Variants in FBXO9 observed in about 807,000 individuals in gnomAD.
The protein encoded by FBXO9 is F-box protein 9.
Under a neutral mutation model 63.7 loss-of-function variants are expected in FBXO9, and 43 were observed. The observed-to-expected ratio is 0.67, with a 90% confidence interval of 0.53 to 0.87. The LOEUF is 0.87. Ranked by LOEUF, FBXO9 falls within the 40% of genes least tolerant of loss-of-function variation. FBXO9 has a pLI of 0.00. For synonymous variants in FBXO9, 156 were observed against 171.7 expected (o/e 0.91, Z 0.72); for missense variants, 442 against 533.2 (o/e 0.83, Z 1.68).
chr6:53,095,560 A>G lies in FBXO9; in HGVS notation c.1101A>G (p.Gln367=), dbSNP rs781746650. The change falls in exon 12 of 13, where the codon CAA becomes CAG. Residue 367 remains glutamine (Q), a synonymous_variant. Coordinates refer to ENST00000323557, the MANE Select transcript of FBXO9 (RefSeq NM_033480.3). ...KYRYFRRVPV[Q]EADQSFHVGL... ...GATATTTTCGTCGTGTCCCTGTACA[A>G]GAAGCAGATCAGAGTTTTCATGTGG... 1 of 1,613,510 alleles carries G rather than the reference A, an allele frequency of 6.2e-7. No individual in the cohort carries two copies. Among genetic ancestry groups the G allele is most frequent in the Non-Finnish European group, 8.5e-7 (1 of 1,179,752 alleles).
chr6:53,093,434 T>G, intron 9 of FBXO9, 32 bp from the exon 10 acceptor site: 1 of 1,420,976 alleles, frequency 7.0e-7, no homozygotes, highest in Non-Finnish European at 9.9e-7. Flanking sequence ...GTGTGGGGGG[T>G]GTGTTTTGGT....
rs1480274100 is a variant in FBXO9 at position 53,084,744 on chromosome 6, G to A, written c.653+2126G>A. Among the ~76,000 whole-genome samples the A allele has an allele frequency of 4.6e-5, 7 of 152,062 alleles. 1 individual carries two copies. Among genetic ancestry groups the A allele is most frequent in the South Asian group, 4.1e-4 (2 of 4,832 alleles). On this transcript the variant is annotated intron_variant, in intron 7 of 12. Transcript: ENST00000323557. ...ACTAGGAGAATTCATCAAACAGTCC[G>A]GTGTACGTGTGGATAACAACAGGTG... is the stretch of plus-strand genomic sequence containing the variant.
chr6:53,073,256 T>C (rs1042932418), intron 2 of FBXO9, among the ~76,000 whole-genome samples: 1 of 152,238 alleles, frequency 6.6e-6, no homozygotes, highest in Non-Finnish European at 1.5e-5. Flanking sequence ...TTTGGTGTAC[T>C]GACATGTATT....
rs1307904573 is a variant in FBXO9, at chr6:53,100,527, A to T, written c.*2697A>T. On this transcript the variant is annotated 3_prime_UTR_variant, in exon 13 of 13. Transcript: ENST00000323557. ...CCTTCCTACCCCTTAGCAGAGGGCC[A>T]GGTGAGGGTGCTTGGGGCCCATGGG... 6.6e-6 allele frequency: 1 copy of T among 151,976 alleles called. No individual in the cohort carries two copies. Among genetic ancestry groups the T allele is most frequent in the East Asian group, 1.9e-4 (1 of 5,154 alleles). 9.4% of individuals were successfully genotyped at this position (151,976 alleles called of 1,614,324 possible).
In FBXO9 at chr6:53,082,345, T is replaced by G. The variant is rs376937739; in HGVS notation, c.539-159T>G. ...ATTTATGTCTTGATGTTAAGAACCA[T>G]TATTATTATTGAGTAGCTAAATACA... On this transcript the variant is annotated intron_variant, in intron 6 of 12. Coordinates refer to ENST00000323557, the MANE Select transcript of FBXO9 (RefSeq NM_033480.3). Among the ~76,000 whole-genome samples, 29 of 152,284 alleles carry G rather than the reference T, an allele frequency of 1.9e-4. 3 individuals carry two copies. Among genetic ancestry groups the G allele is most frequent in the East Asian group, 1.5e-3 (8 of 5,190 alleles).
intron 1 of FBXO9, among the ~76,000 whole-genome samples, chr6:53,066,557 GATTTA>G (rs1768706671): frequency 6.6e-6 from 1 of 152,212 alleles, no homozygotes; most frequent in Non-Finnish European, 1.5e-5. Flanking sequence ...AATTCCAAAC[GATTTA>G]ATTTATAGTG....
Position 53,084,907 on chromosome 6 carries a change from C to T in FBXO9, c.653+2289C>T, listed in dbSNP as rs1054987831. 3.3e-5 allele frequency among the ~76,000 whole-genome samples: 5 copies of T among 152,088 alleles called. No individual in the cohort carries two copies. In the East Asian group the frequency reaches 9.7e-4, roughly 29 times the overall value. On this transcript the variant is annotated intron_variant, in intron 7 of 12. Transcript: ENST00000323557. The stretch of plus-strand genomic sequence containing the variant: ...CACTTAGGGTCTTAAGGTTCTTGGG[C>T]CTGCTAGGAAGTGACAGGTTTTACT...
intron 5 of FBXO9, among the ~76,000 whole-genome samples, chr6:53,079,801 C>T (rs1769245632): frequency 6.6e-6 from 1 of 152,118 alleles, no homozygotes; most frequent in East Asian, 1.9e-4. Flanking sequence ...ATGCTTATTG[C>T]CAATGTTTTT....
rs1290656151 is a variant in FBXO9, at chr6:53,065,950, G to A, written c.3+158G>A. ...AGGGCCCTGGCCTGAGAAGGAGTGC[G>A]TCGGGGGGCGGGGGGTGCCAACCCT... On this transcript the variant is annotated intron_variant, in intron 1 of 12. Coordinates refer to ENST00000323557, the MANE Select transcript of FBXO9 (RefSeq NM_033480.3). The A allele has an allele frequency of 3.5e-6, 4 of 1,154,364 alleles. No individual in the cohort carries two copies. The East Asian group carries it at 1.3e-4, about 37-fold the overall frequency. 71.5% of individuals were successfully genotyped at this position (1,154,364 alleles called of 1,614,324 possible). A position where few individuals can be genotyped will look rare whatever the true frequency, so the allele number is the denominator to read the frequency against.
At chr6:53,083,358 A>C (rs930685104) in intron 7 of FBXO9, among the ~76,000 whole-genome samples, 25 of 152,212 alleles carry the variant, frequency 1.6e-4, no homozygotes, top group Non-Finnish European at 3.4e-4. Flanking sequence ...TTAAACACCT[A>C]GTGGATTGCC....
chr6:53,095,015 C>A (rs1310275146), intron 11 of FBXO9, among the ~76,000 whole-genome samples: 3 of 152,118 alleles, frequency 2.0e-5, no homozygotes, highest in Non-Finnish European at 4.4e-5. Flanking sequence ...TTCTAATGAA[C>A]CTTGTCACAG....
chr6:53,071,967 G>A (rs1017207490), intron 2 of FBXO9, among the ~76,000 whole-genome samples: 16 of 152,120 alleles, frequency 1.1e-4, no homozygotes, highest in Admixed American at 3.3e-4. Context: ...AAACACTACA[G>A]CCATTTAAAA....
Position 53,095,507 on chromosome 6 carries a change from T to G in FBXO9, c.1054-6T>G. 1 of 1,604,314 alleles carries G rather than the reference T, an allele frequency of 6.2e-7. No individual in the cohort carries two copies. The highest frequency in any genetic ancestry group is 8.5e-7 in the Non-Finnish European group (1 of 1,176,270). ...CATTATAACTTATGCATCTTTTCTT[T>G]TGCAGAAACCACTTGACTATAAATA... On this transcript the variant is annotated splice_region_variant and splice_polypyrimidine_tract_variant and intron_variant, in intron 11 of 12. Coordinates refer to ENST00000323557, the MANE Select transcript of FBXO9 (RefSeq NM_033480.3).
intron 5 of FBXO9, among the ~76,000 whole-genome samples, chr6:53,079,307 AG>A (rs1769229752): frequency 6.6e-6 from 1 of 152,166 alleles, no homozygotes; most frequent in Non-Finnish European, 1.5e-5. Flanking sequence ...TTATTACACT[AG>A]TTTCCTTACG....
At position 53,097,821 on chromosome 6, in the gene FBXO9, G is replaced by C. The variant is rs369131299; in HGVS notation, c.1305G>C (p.Arg435Ser). ...RVRSYTAFSE[R>S]PL ...GGAGCTACACAGCTTTCTCAGAAAG[G>C]CCTCTGTAGAGCCTCAAGTCCAGTC... is the stretch of plus-strand genomic sequence containing the variant. Residue 435 changes from arginine (R) to serine (S), a missense_variant, in exon 13 of 13, where the codon AGG becomes AGC. Around this residue, in one of 2 missense-constraint regions of FBXO9, gnomAD observed 262 missense variants for 362.1 expected, o/e 0.72. Coordinates refer to ENST00000323557, the MANE Select transcript of FBXO9 (RefSeq NM_033480.3). 1.9e-6 allele frequency: 3 copies of C among 1,598,190 alleles called. No individual in the cohort carries two copies. The highest frequency in any genetic ancestry group is 1.7e-6 in the Non-Finnish European group (2 of 1,171,160).
At chr6:53,069,770 A>G (rs1768842721) in intron 1 of FBXO9, among the ~76,000 whole-genome samples, 1 of 152,182 alleles carries the variant, frequency 6.6e-6, no homozygotes. Flanking sequence ...TGATTTCACA[A>G]ACTGTGAAAT....
Position 53,082,622 on chromosome 6 carries a change from C to G in FBXO9, c.653+4C>G, listed in dbSNP as rs374518216. The stretch of plus-strand genomic sequence containing the variant: ...GAGGATTCTACATCTGTGCCAGGTA[C>G]TAAGTTTTTGTTTTTGTTTTTTAAA... On this transcript the variant is annotated splice_donor_region_variant and intron_variant, in intron 7 of 12. Coordinates refer to ENST00000323557, the MANE Select transcript of FBXO9 (RefSeq NM_033480.3). 6.3e-7 allele frequency: 1 copy of G among 1,599,772 alleles called. No individual in the cohort carries two copies. The highest frequency in any genetic ancestry group is 8.5e-7 in the Non-Finnish European group (1 of 1,172,282).
chr6:53,075,293 G>A (rs886515203), intron 3 of FBXO9, among the ~76,000 whole-genome samples: 15 of 151,018 alleles, frequency 9.9e-5, no homozygotes, highest in African/African-American at 3.4e-4. Flanking sequence ...CGTCAGTAAC[G>A]CTGGGCTAAT....
intron 7 of FBXO9, among the ~76,000 whole-genome samples, chr6:53,090,568 C>T (rs551585013): frequency 2.6e-5 from 4 of 152,216 alleles, no homozygotes; most frequent in African/African-American, 9.6e-5. Flanking sequence ...CATGTGTCAT[C>T]ATAAAAGTAA....
Sources: gnomAD v4.1 joint callset for allele counts (sites outside exome capture counted in the v4.1 genomes callset) on GRCh38, gnomAD v4.1.1 for gene constraint, gnomAD v4.1.1 regional missense constraint, MANE v1.5 for transcripts, NCBI Gene and HGNC (gene_info 2026-07-23, HGNC 2026-07-21) for gene names.